The following PALLD variants were observed in gnomAD, a reference collection of about 807,000 sequenced individuals.
The protein encoded by PALLD is palladin, cytoskeletal associated protein, also known as palladin.
PALLD carries 61 observed loss-of-function variants against 123.5 expected under a neutral mutation model. The observed-to-expected ratio is 0.49, with a 90% CI of 0.40 to 0.61. The LOEUF (loss-of-function observed/expected upper bound fraction) is 0.61, where lower values mean the gene tolerates loss of function less well. Ranked by LOEUF, PALLD falls within the 20% of genes least tolerant of loss-of-function variation. PALLD has a pLI of 0.00. For synonymous variants in PALLD, 465 were observed against 496.4 expected, an observed-to-expected ratio of 0.94 and a Z score of 0.84; for missense variants, 1,273 against 1,377.0, an observed-to-expected ratio of 0.92 and a Z score of 1.20.
At chr4:168,509,843 C>G (rs945280095) in intron 1 of PALLD, among the ~76,000 whole-genome samples, 2 of 152,196 alleles carry the variant, frequency 1.3e-5, no homozygotes, top group Admixed American at 6.5e-5. Flanking sequence ...TAACTACCCT[C>G]TGTTAAACAG....
At chr4:168,705,017 A>T (rs1784094595) in intron 8 of PALLD, among the ~76,000 whole-genome samples, 1 of 152,152 alleles carries the variant, frequency 6.6e-6, no homozygotes, top group Admixed American at 6.5e-5. Flanking sequence ...TCTATATTAT[A>T]TTTCCTACTT....
In PALLD at chr4:168,878,159, C is replaced by A; in HGVS notation, c.1965-12763C>A. On this transcript the variant is annotated intron_variant, in intron 10 of 21. Transcript: ENST00000505667. ...GGGCTCCTCCTCGCCGTCGCCCCCGCCCCCGCCACCCCCGGTCTTCAGCCC... is the reference window on the plus strand; with the variant it reads ...GGGCTCCTCCTCGCCGTCGCCCCCGACCCCGCCACCCCCGGTCTTCAGCCC... 2 of 1,490,366 alleles carry A rather than the reference C, an allele frequency of 1.3e-6. No homozygotes were observed. The highest frequency in any genetic ancestry group is 8.9e-7 in the Non-Finnish European group (1 of 1,126,702). 92.3% of individuals were successfully genotyped at this position (1,490,366 alleles called of 1,614,324 possible).
intron 14 of PALLD, among the ~76,000 whole-genome samples, chr4:168,899,278 A>G (rs1392923118): frequency 1.3e-5 from 2 of 152,216 alleles, no homozygotes; most frequent in Non-Finnish European, 2.9e-5. Context: ...ATACAAACAT[A>G]TGGAAATGCT....
At position 168,817,870 on chromosome 4, in the gene PALLD, T is replaced by C. The variant is rs548848895; in HGVS notation, c.1965-73052T>C. Among the ~76,000 whole-genome samples, 4 of 152,364 alleles carry C rather than the reference T, an allele frequency of 2.6e-5. No homozygotes were observed. The East Asian group carries it at 7.7e-4, about 29-fold the overall frequency. ...ACTAAATTGTTGGCAACTCTAGGAT[T>C]GGCAATTGAACAAATCTATCCTTCT... On this transcript the variant is annotated intron_variant, in intron 10 of 21. Coordinates refer to ENST00000505667, the MANE Select transcript of PALLD (RefSeq NM_001166108.2).
At position 168,877,908 on chromosome 4, in the gene PALLD, C is replaced by G; in HGVS notation, c.1965-13014C>G. The G allele has an allele frequency of 6.8e-7, 1 of 1,480,038 alleles. No individual in the cohort carries two copies. 91.7% of individuals were successfully genotyped at this position (1,480,038 alleles called of 1,614,324 possible). A position where few individuals can be genotyped will look rare whatever the true frequency, so the allele number is the denominator to read the frequency against. ...CCGGAGCCCATGAGCGCGCTGGCCTCCCGCTCCGCCCCCGCCATGCAGTCC... is the reference window on the plus strand; with the variant it reads ...CCGGAGCCCATGAGCGCGCTGGCCTGCCGCTCCGCCCCCGCCATGCAGTCC... On this transcript the variant is annotated intron_variant, in intron 10 of 21. Coordinates refer to ENST00000505667, the MANE Select transcript of PALLD (RefSeq NM_001166108.2).
chr4:168,524,165 G>T (rs1763831656), intron 2 of PALLD, among the ~76,000 whole-genome samples: 1 of 152,120 alleles, frequency 6.6e-6, no homozygotes, highest in African/African-American at 2.4e-5. Context: ...GCTGTCAGAT[G>T]ACTCATTTTG....
At chr4:168,882,509 G>C (rs1158987418) in intron 10 of PALLD, among the ~76,000 whole-genome samples, 1 of 152,198 alleles carries the variant, frequency 6.6e-6, no homozygotes, top group Non-Finnish European at 1.5e-5. Context: ...ACTGTGGTTA[G>C]ATAGTAACCA....
At chr4:168,695,502 C>G (rs552470405) in intron 8 of PALLD, among the ~76,000 whole-genome samples, 1 of 152,308 alleles carries the variant, frequency 6.6e-6, no homozygotes, top group East Asian at 1.9e-4. Context: ...GACACAATGA[C>G]TGGCTTGAAC....
intron 1 of PALLD, among the ~76,000 whole-genome samples, chr4:168,510,346 G>A (rs1228406764): frequency 6.6e-6 from 1 of 152,176 alleles, no homozygotes; most frequent in Non-Finnish European, 1.5e-5. Context: ...CAGGCCTCTA[G>A]TTATCTCATG....
intron 2 of PALLD, among the ~76,000 whole-genome samples, chr4:168,637,048 G>C (rs1776414965): frequency 6.6e-6 from 1 of 152,108 alleles, no homozygotes; most frequent in Non-Finnish European, 1.5e-5. Flanking sequence ...AAGTGACTCA[G>C]TAATGATCTT....
chr4:168,910,689 T>C (rs1305497070), intron 15 of PALLD, among the ~76,000 whole-genome samples: 2 of 152,184 alleles, frequency 1.3e-5, no homozygotes, highest in South Asian at 4.2e-4. Flanking sequence ...GGCCTTGTTT[T>C]ACAGAGAAGG....
At chr4:168,916,609 T>A (rs1031281858) in intron 17 of PALLD, among the ~76,000 whole-genome samples, 9 of 152,246 alleles carry the variant, frequency 5.9e-5, no homozygotes, top group Admixed American at 3.9e-4. Flanking sequence ...AAATCTACCA[T>A]GTCTTCATTC....
intron 10 of PALLD, among the ~76,000 whole-genome samples, chr4:168,788,712 A>G (rs1581474217): frequency 6.6e-6 from 1 of 152,170 alleles, no homozygotes; most frequent in South Asian, 2.1e-4. Context: ...GATGCTGGGC[A>G]TGGGTAGGGA....
intron 2 of PALLD, among the ~76,000 whole-genome samples, chr4:168,655,185 T>A (rs1405744091): frequency 6.6e-6 from 1 of 152,194 alleles, no homozygotes; most frequent in African/African-American, 2.4e-5. Context: ...TAGCTCTCCT[T>A]GGAAAGCTGA....
At chr4:168,811,776 T>TCACACACACACACACACA (rs58914714) in intron 10 of PALLD, among the ~76,000 whole-genome samples, 1 of 143,636 alleles carries the variant, frequency 7.0e-6, no homozygotes, top group African/African-American at 2.6e-5. Context: ...TCTCTCTCTC[T>TCACACACACACACACACA]CACACACACA....
intron 6 of PALLD, among the ~76,000 whole-genome samples, chr4:168,686,905 A>G (rs1394973658): frequency 6.6e-6 from 1 of 152,242 alleles, no homozygotes; most frequent in East Asian, 1.9e-4. Context: ...TAATTAGGAC[A>G]GTATGGTACT....
intron 2 of PALLD, among the ~76,000 whole-genome samples, chr4:168,553,992 C>T (rs1767010413): frequency 6.6e-6 from 1 of 152,202 alleles, no homozygotes; most frequent in Non-Finnish European, 1.5e-5. Flanking sequence ...TTTACCACAT[C>T]TTTCCCTGAG....
intron 1 of PALLD, among the ~76,000 whole-genome samples, chr4:168,506,917 A>G (rs1042501415): frequency 3.9e-5 from 6 of 152,200 alleles, no homozygotes; most frequent in Admixed American, 1.3e-4. Context: ...AGCTTCCACG[A>G]TATCTAGCTT....
rs143065658 is a variant in PALLD at position 168,889,138 on chromosome 4, T to TTGTGTGTG, written c.1965-1763_1965-1756dup. 8.6e-3 allele frequency among the ~76,000 whole-genome samples: 1,138 copies of TTGTGTGTG among 132,216 alleles called. 7 individuals are homozygous for TTGTGTGTG. The highest frequency in any genetic ancestry group is 0.021 in the African/African-American group (747 of 35,794). 86.7% of individuals were successfully genotyped at this position (132,216 alleles called of 152,430 possible). ...TAAAGTTTTGTTTGTTTGCTTTATTTTGTGTGTGTGTGTGTGTGTGTGTGT... is the reference window on the plus strand; with the variant it reads ...TAAAGTTTTGTTTGTTTGCTTTATTTTGTGTGTGTGTGTGTGTGTGTGTGTGTGTGTGT... On this transcript the variant is annotated intron_variant, in intron 10 of 21. Transcript: ENST00000505667.
Sources: allele counts gnomAD v4.1 joint callset (sites outside exome capture counted in the v4.1 genomes callset), GRCh38; gene constraint gnomAD v4.1.1; transcripts MANE v1.5; gene names NCBI Gene and HGNC (gene_info 2026-07-23, HGNC 2026-07-21).